ZFHX3: variants seen among roughly 807,000 people sequenced by gnomAD.
The protein encoded by ZFHX3 is zinc finger homeobox protein 3.
Under a neutral mutation model 279.1 loss-of-function variants are expected in ZFHX3, and 42 were observed. That is an observed-to-expected ratio of 0.15 (90% CI 0.12 to 0.19). The LOEUF is 0.19. Among genes scored for constraint, ZFHX3 ranks in the 10% least tolerant of loss-of-function variants. ZFHX3 has a pLI of 1.00. For missense variants in ZFHX3, 4,981 were observed against 4,754.0 expected, an observed-to-expected ratio of 1.05 and a Z score of -1.40; for synonymous variants, 2,293 against 1,957.8, an observed-to-expected ratio of 1.17 and a Z score of -4.52.
chr16:73,491,021 T>C (rs2019049038), intron 2 of ZFHX3, among the ~76,000 whole-genome samples: 1 of 152,226 alleles, frequency 6.6e-6, no homozygotes, highest in Admixed American at 6.5e-5. Context: ...TTCTATAAAG[T>C]GGATATACCT....
At chr16:73,318,939 C>G (rs1268114204) in intron 3 of ZFHX3, among the ~76,000 whole-genome samples, 1 of 152,170 alleles carries the variant, frequency 6.6e-6, no homozygotes, top group East Asian at 1.9e-4. Context: ...CAAAGCCCAA[C>G]TGGCCCTTCT....
chr16:73,441,955 G>A (rs779983377), intron 3 of ZFHX3, among the ~76,000 whole-genome samples: 10 of 152,176 alleles, frequency 6.6e-5, no homozygotes, highest in Admixed American at 1.3e-4. Context: ...ATGCGACATC[G>A]TGTGCGGATG....
At chr16:73,658,035 TAG>T (rs916778118) in intron 2 of ZFHX3, among the ~76,000 whole-genome samples, 6 of 152,254 alleles carry the variant, frequency 3.9e-5, no homozygotes, top group Admixed American at 3.9e-4. Context: ...TTCATTTTAA[TAG>T]AGAGTAGATG....
chr16:73,742,249 T>C (rs1014211413), intron 1 of ZFHX3, among the ~76,000 whole-genome samples: 1 of 152,242 alleles, frequency 6.6e-6, no homozygotes, highest in Admixed American at 6.5e-5. Context: ...TGCCTTTGTC[T>C]AGTTCACCCA....
At chr16:73,773,202 G>A (rs963606474) in intron 1 of ZFHX3, among the ~76,000 whole-genome samples, 1 of 152,218 alleles carries the variant, frequency 6.6e-6, no homozygotes, top group Admixed American at 6.5e-5. Context: ...AGTGGCTAGT[G>A]GCTACCGTGT....
intron 3 of ZFHX3, among the ~76,000 whole-genome samples, chr16:72,937,426 C>A (rs1960183072): frequency 6.6e-6 from 1 of 152,182 alleles, no homozygotes; most frequent in Non-Finnish European, 1.5e-5. Flanking sequence ...ACACAGCCGA[C>A]AGAGTCAGCA....
chr16:72,946,582 C>T (rs953247497), intron 3 of ZFHX3, among the ~76,000 whole-genome samples: 3 of 152,182 alleles, frequency 2.0e-5, no homozygotes, highest in Non-Finnish European at 4.4e-5. Context: ...CCGCCCCCTC[C>T]GGGTAGAAAG....
chr16:73,779,731 T>C (rs1959387139), intron 1 of ZFHX3, among the ~76,000 whole-genome samples: 1 of 152,128 alleles, frequency 6.6e-6, no homozygotes, highest in Non-Finnish European at 1.5e-5. Context: ...AGCCTTTCCT[T>C]TTTTTGAGAA....
chr16:73,656,532 G>A (rs2052722572), intron 2 of ZFHX3, among the ~76,000 whole-genome samples: 1 of 152,200 alleles, frequency 6.6e-6, no homozygotes, highest in African/African-American at 2.4e-5. Flanking sequence ...GGAATTGGGA[G>A]CTAACAATGA....
intron 3 of ZFHX3, among the ~76,000 whole-genome samples, chr16:72,914,092 T>TAG (rs1478972104): frequency 1.3e-5 from 2 of 152,234 alleles, no homozygotes; most frequent in Non-Finnish European, 2.9e-5. Context: ...CCCCTGGCTC[T>TAG]AGAGATCATG....
At chr16:73,005,068 G>A (rs1963656019) in intron 1 of ZFHX3, among the ~76,000 whole-genome samples, 1 of 152,198 alleles carries the variant, frequency 6.6e-6, no homozygotes, top group South Asian at 2.1e-4. Context: ...TTACATCAGT[G>A]TCCAAGTCTG....
intron 3 of ZFHX3, among the ~76,000 whole-genome samples, chr16:73,409,799 T>A (rs1176755350): frequency 1.3e-5 from 2 of 152,188 alleles, no homozygotes; most frequent in Non-Finnish European, 2.9e-5. Context: ...TGAGATCCTA[T>A]AATTTGCAGC....
At chr16:73,150,332 T>C (rs1966910995) in intron 5 of ZFHX3, among the ~76,000 whole-genome samples, 1 of 152,144 alleles carries the variant, frequency 6.6e-6, no homozygotes, top group East Asian at 1.9e-4. Flanking sequence ...GTGAGCTTCT[T>C]TGAAGTAAGA....
At chr16:72,942,689 G>C (rs76206989) in intron 3 of ZFHX3, among the ~76,000 whole-genome samples, 8 of 152,194 alleles carry the variant, frequency 5.3e-5, no homozygotes, top group African/African-American at 1.4e-4. Flanking sequence ...TGCTATTTAC[G>C]TAAGAACTTC....
chr16:73,442,489 G>A (rs1046904158), intron 3 of ZFHX3, among the ~76,000 whole-genome samples: 8 of 151,650 alleles, frequency 5.3e-5, no homozygotes, highest in African/African-American at 1.9e-4. Flanking sequence ...AAAAAAATGT[G>A]AACAATATCT....
intron 4 of ZFHX3, among the ~76,000 whole-genome samples, chr16:72,843,510 G>A (rs543056827): frequency 8.1e-4 from 86 of 106,250 alleles, no homozygotes; most frequent in African/African-American, 3.1e-3. Context: ...GCGAGACTCC[G>A]TCTAAAAAAA....
intron 4 of ZFHX3, among the ~76,000 whole-genome samples, chr16:72,840,024 G>A (rs1293967025): frequency 3.3e-5 from 5 of 151,908 alleles, no homozygotes; most frequent in Admixed American, 3.3e-4. Flanking sequence ...GTGATAGAGA[G>A]TAAATTAAAA....
intron 1 of ZFHX3, among the ~76,000 whole-genome samples, chr16:73,690,590 A>G (rs1163452484): frequency 6.6e-6 from 1 of 152,232 alleles, no homozygotes; most frequent in African/African-American, 2.4e-5. Context: ...CTTCCTGATC[A>G]AGAAGTAGTG....
At chr16:73,467,512 CAATT>C (rs2018594002) in intron 2 of ZFHX3, among the ~76,000 whole-genome samples, 1 of 152,104 alleles carries the variant, frequency 6.6e-6, no homozygotes, top group Non-Finnish European at 1.5e-5. Context: ...CCGACAGGCA[CAATT>C]TACCTTGAAA....
Sources: allele counts gnomAD v4.1 joint callset (sites outside exome capture counted in the v4.1 genomes callset), GRCh38; gene constraint gnomAD v4.1.1; transcripts MANE v1.5; gene names NCBI Gene and HGNC (gene_info 2026-07-23, HGNC 2026-07-21).